The following BCL2L15 variants were observed in gnomAD, a reference collection of about 807,000 sequenced individuals.
BCL2L15 encodes the protein bcl-2-like protein 15.
BCL2L15 carries 15 observed loss-of-function variants against 18.3 expected under a neutral mutation model. The ratio of observed to expected loss-of-function variants is 0.82; its 90% CI spans 0.55 to 1.26. The LOEUF (loss-of-function observed/expected upper bound fraction) is 1.26. BCL2L15 is among the 50% of genes most tolerant of loss of function. The pLI is 0.00. For synonymous variants in BCL2L15, 58 were observed against 68.5 expected (o/e 0.85, Z 0.76); for missense variants, 180 against 201.7 (o/e 0.89, Z 0.65).
chr1:113,883,497 C>T (rs965564882), intron 2 of BCL2L15, among the ~76,000 whole-genome samples: 6 of 144,672 alleles, frequency 4.1e-5, no homozygotes, highest in African/African-American at 1.3e-4. Context: ...AAAAAAAAGG[C>T]GGGCGGTGGC....
At position 113,886,663 on chromosome 1, in the gene BCL2L15, G is replaced by C. The variant is rs1042722640; in HGVS notation, c.128-5C>G. 1 of 1,597,596 alleles carries C rather than the reference G, an allele frequency of 6.3e-7. No homozygotes were observed. Among genetic ancestry groups the C allele is most frequent in the African/African-American group, 1.4e-5 (1 of 73,832 alleles). On this transcript the variant is annotated splice_region_variant and splice_polypyrimidine_tract_variant and intron_variant, in intron 1 of 3. Transcript: ENST00000393316. ...CATCAAAAGAACAAGGCTCTCCTAT[G>C]ACAGAGGGAACACATTTGTTACAAT... is the stretch of plus-strand genomic sequence containing the variant.
chr1:113,881,262 C>T, intron 3 of BCL2L15, 122 bp from the exon 4 acceptor site: 3 of 1,434,024 alleles, frequency 2.1e-6, no homozygotes, highest in Non-Finnish European at 2.9e-6. Flanking sequence ...TTTCACTGAC[C>T]CTGTAAATGG....
chr1:113,887,460 A>C lies in BCL2L15; in HGVS notation c.-85T>G. 5.0e-6 allele frequency: 8 copies of C among 1,586,588 alleles called. No individual in the cohort carries two copies. The highest frequency in any genetic ancestry group is 6.9e-6 in the Non-Finnish European group (8 of 1,162,492). ...GGAAGTTAAAAACACTGGTAAATCAACAAATGTTTCTACCTCTTGTAGTTT... is the reference window on the plus strand; with the variant it reads ...GGAAGTTAAAAACACTGGTAAATCACCAAATGTTTCTACCTCTTGTAGTTT... On this transcript the variant is annotated 5_prime_UTR_variant, in exon 1 of 4. Coordinates refer to ENST00000393316, the MANE Select transcript of BCL2L15 (RefSeq NM_001010922.3).
At position 113,886,437 on chromosome 1, in the gene BCL2L15, C is replaced by T. The variant is rs183667077; in HGVS notation, c.249+100G>A. 1,518 of 1,253,610 alleles carry T rather than the reference C, an allele frequency of 1.2e-3. 40 individuals carry two copies. The Admixed American group carries it at 0.031, about 25-fold the overall frequency. 77.7% of individuals were successfully genotyped at this position (1,253,610 alleles called of 1,614,324 possible). A position where few individuals can be genotyped will look rare whatever the true frequency, so the allele number is the denominator to read the frequency against. ...TGAAATATAAGCACCCAAATATTTT[C>T]ATAGAACATTCCTAGTCACTGTAGT... On this transcript the variant is annotated intron_variant, in intron 2 of 3. Transcript: ENST00000393316.
Position 113,881,785 on chromosome 1 carries a change from G to A in BCL2L15, c.462C>T (p.Gly154=), listed in dbSNP as rs1666884140. ...CCAACAAACTTACCCAACCTCCCTG[G>A]CCCTGGATGAACTCCCGGATGGCTT... ...GNQAIREFIQ[G]QGGWENLES is the part of the protein sequence containing the mutation. The change falls in exon 3 of 4, where the codon GGC becomes GGT. Residue 154 remains glycine, a synonymous_variant. Transcript: ENST00000393316. The A allele has an allele frequency of 6.2e-7, 1 of 1,613,964 alleles. No individual in the cohort carries two copies.
chr1:113,886,024 A>G (rs1218808119), intron 2 of BCL2L15, among the ~76,000 whole-genome samples: 2 of 151,958 alleles, frequency 1.3e-5, no homozygotes, highest in East Asian at 1.9e-4. Context: ...CCCGGGCAAC[A>G]TGGCAAAAAC....
chr1:113,883,549 G>A (rs950733965), intron 2 of BCL2L15, among the ~76,000 whole-genome samples: 6 of 151,540 alleles, frequency 4.0e-5, no homozygotes, highest in African/African-American at 1.2e-4. Context: ...CAAGGTGGGC[G>A]GATTGCCTGA....
At chr1:113,881,203 C>G (rs896677751) in intron 3 of BCL2L15, 63 bp from the exon 4 acceptor site, 51 of 1,611,218 alleles carry the variant, frequency 3.2e-5, no homozygotes, top group Admixed American at 1.2e-4. Flanking sequence ...CCTAAGAAAC[C>G]AGGAAATGAT....
chr1:113,880,414 C>T lies in BCL2L15; in HGVS notation c.*709G>A, dbSNP rs879324584. The T allele has an allele frequency of 1.3e-5, 2 of 152,236 alleles. No homozygotes were observed. Among genetic ancestry groups the T allele is most frequent in the African/African-American group, 4.8e-5 (2 of 41,438 alleles). 9.4% of individuals were successfully genotyped at this position (152,236 alleles called of 1,614,324 possible). A position where few individuals can be genotyped will look rare whatever the true frequency, so the allele number is the denominator to read the frequency against. On this transcript the variant is annotated 3_prime_UTR_variant, in exon 4 of 4. Transcript: ENST00000393316. ...GGCCAAGGCGGGCGAATCACGAGGT[C>T]AGGAGATCCAGACCATCCTGGCTAA...
chr1:113,881,362 GT>G, intron 3 of BCL2L15: 2 of 1,050,754 alleles, frequency 1.9e-6, no homozygotes, highest in Non-Finnish European at 2.6e-6. Context: ...AGCAAAGACT[GT>G]TTTTTCTTAG....
In BCL2L15 at chr1:113,887,348, G is replaced by C. The variant is rs776161431; in HGVS notation, c.28C>G (p.Gln10Glu). MKSSQTFEE[Q>E]TECIVNTLLM... ...AGAGTGTTCACAATGCATTCCGTTT[G>C]TTCCTCAAAAGTTTGGGAGCTCTTC... Residue 10 changes from glutamine to glutamate, a missense_variant, in exon 1 of 4, where the codon CAA (glutamine) becomes GAA (glutamate). Coordinates refer to ENST00000393316, the MANE Select transcript of BCL2L15 (RefSeq NM_001010922.3). 2 of 1,614,142 alleles carry C rather than the reference G, an allele frequency of 1.2e-6. No individual in the cohort carries two copies. The highest frequency in any genetic ancestry group is 1.7e-6 in the Non-Finnish European group (2 of 1,179,982).
At position 113,881,884 on chromosome 1, in the gene BCL2L15, C is replaced by T. The variant is rs759581293; in HGVS notation, c.363G>A (p.Glu121=). ...CTTCAGGAGCAATGTGAGCCATGTA[C>T]TCAAGAAGTTTCACTGACACTGCCA... ...AFLAVSVKLL[E]YMAHIAPEVV... The change falls in exon 3 of 4, where the codon GAG becomes GAA. Residue 121 remains glutamate, a synonymous_variant. Transcript: ENST00000393316. 6 of 1,614,190 alleles carry T rather than the reference C, an allele frequency of 3.7e-6. No homozygotes were observed. The highest frequency in any genetic ancestry group is 5.1e-6 in the Non-Finnish European group (6 of 1,180,044).
At chr1:113,886,797 C>T in intron 1 of BCL2L15, 139 bp from the exon 2 acceptor site, 1 of 753,674 alleles carries the variant, frequency 1.3e-6, no homozygotes, top group Middle Eastern at 2.5e-4. Flanking sequence ...GTTCTGTCAA[C>T]ACCAATAGTC....
rs1325827940 is a variant in BCL2L15 at position 113,880,356 on chromosome 1, G to C, written c.*767C>G. 1 of 152,212 alleles carries C rather than the reference G, an allele frequency of 6.6e-6. No homozygotes were observed. The highest frequency in any genetic ancestry group is 1.9e-4 in the East Asian group (1 of 5,200). 9.4% of individuals were successfully genotyped at this position (152,212 alleles called of 1,614,324 possible). On this transcript the variant is annotated 3_prime_UTR_variant, in exon 4 of 4. Transcript: ENST00000393316. ...ATAACAAGATTTTAGGCCGGGCGTG[G>C]TGGCTCACGCCTGTAATCCCAGCAC...
intron 2 of BCL2L15, among the ~76,000 whole-genome samples, chr1:113,884,322 C>G (rs1360927840): frequency 1.3e-5 from 2 of 152,142 alleles, no homozygotes; most frequent in African/African-American, 2.4e-5. Flanking sequence ...AAGCAAACCC[C>G]AGTTAAGGGA....
chr1:113,880,954 C>A lies in BCL2L15; in HGVS notation c.*169G>T. The A allele has an allele frequency of 1.1e-6, 1 of 886,132 alleles. No homozygotes were observed. Among genetic ancestry groups the A allele is most frequent in the Non-Finnish European group, 1.8e-6 (1 of 570,266 alleles). The allele number at this position is 886,132 out of a possible 1,614,324, so 54.9% of individuals were successfully genotyped here. A position where few individuals can be genotyped will look rare whatever the true frequency, so the allele number is the denominator to read the frequency against. ...AAAAACCAACTCTGCAGGCCTCTGGCAGCTGCTCCCAACTTTAACAATCAG... is the reference window on the plus strand; with the variant it reads ...AAAAACCAACTCTGCAGGCCTCTGGAAGCTGCTCCCAACTTTAACAATCAG... On this transcript the variant is annotated 3_prime_UTR_variant, in exon 4 of 4. Coordinates refer to ENST00000393316, the MANE Select transcript of BCL2L15 (RefSeq NM_001010922.3).
At position 113,880,085 on chromosome 1, in the gene BCL2L15, T is replaced by C. The variant is rs1301181424; in HGVS notation, c.*1038A>G. The C allele has an allele frequency of 3.9e-5, 6 of 152,342 alleles. No homozygotes were observed. The highest frequency in any genetic ancestry group is 7.3e-5 in the Non-Finnish European group (5 of 68,038). The allele number at this position is 152,342 out of a possible 1,614,324, so 9.4% of individuals were successfully genotyped here. On this transcript the variant is annotated 3_prime_UTR_variant, in exon 4 of 4. Coordinates refer to ENST00000393316, the MANE Select transcript of BCL2L15 (RefSeq NM_001010922.3). The stretch of plus-strand genomic sequence containing the variant: ...GAACCACACTTTTAAAGCTTTGTGT[T>C]ATGCAGCTAGCTTCATCTAAGCTGG...
chr1:113,884,125 G>A (rs72691840), intron 2 of BCL2L15, among the ~76,000 whole-genome samples: 96 of 152,218 alleles, frequency 6.3e-4, no homozygotes, highest in Non-Finnish European at 1.2e-3. Flanking sequence ...ATTACAAAGG[G>A]GAAAAGAGTA....
At position 113,881,375 on chromosome 1, in the gene BCL2L15, T is replaced by C. The variant is rs965953717; in HGVS notation, c.475-235A>G. 1.0e-5 allele frequency: 11 copies of C among 1,073,970 alleles called. No homozygotes were observed. In the African/African-American group the frequency reaches 1.4e-4, roughly 14 times the overall value. The allele number at this position is 1,073,970 out of a possible 1,614,324, so 66.5% of individuals were successfully genotyped here. On this transcript the variant is annotated intron_variant, in intron 3 of 3. Coordinates refer to ENST00000393316, the MANE Select transcript of BCL2L15 (RefSeq NM_001010922.3). ...ACAGCAAAGACTGTTTTTTCTTAGA[T>C]ACTATTAAGGTGATTCTGACTTCCC...
Sources: gnomAD v4.1 joint callset for allele counts (sites outside exome capture counted in the v4.1 genomes callset) on GRCh38, gnomAD v4.1.1 for gene constraint, MANE v1.5 for transcripts, NCBI Gene and HGNC (gene_info 2026-07-23, HGNC 2026-07-21) for gene names.